The following GRIN1 variants were observed in gnomAD, a reference collection of about 807,000 sequenced individuals.
The protein encoded by GRIN1 is glutamate receptor ionotropic, NMDA 1.
Under a neutral mutation model 103.0 loss-of-function variants are expected in GRIN1, and 38 were observed. That is an observed-to-expected ratio of 0.37 (90% confidence interval 0.28 to 0.48). The LOEUF is 0.48. Ranked by LOEUF, GRIN1 falls within the 20% of genes least tolerant of loss-of-function variation. GRIN1 has a pLI of 0.98. For missense variants in GRIN1, 577 were observed against 1,288.9 expected (o/e 0.45, Z 8.46); for synonymous variants, 544 against 532.7 (o/e 1.02, Z -0.29).
rs762423431 is a variant in GRIN1, at chr9:137,161,046, TC to T, written c.1198-3del. 2.0e-5 allele frequency: 33 copies of T among 1,611,908 alleles called. No homozygotes were observed. Among genetic ancestry groups the T allele is most frequent in the African/African-American group, 1.1e-4 (8 of 74,730 alleles). ...CGGTGGTCCAGGCTGGGTCTCCCCTTCCCCCCCAGATTGTGACGATCCACCA... is the reference window on the plus strand; with the variant it reads ...CGGTGGTCCAGGCTGGGTCTCCCCTTCCCCCCAGATTGTGACGATCCACCA... On this transcript the variant is annotated splice_polypyrimidine_tract_variant and intron_variant, in intron 8 of 19. Transcript: ENST00000371561.
At chr9:137,152,798 C>T (rs915421543) in intron 4 of GRIN1, among the ~76,000 whole-genome samples, 6 of 152,138 alleles carry the variant, frequency 3.9e-5, no homozygotes, top group Non-Finnish European at 8.8e-5. Flanking sequence ...TGTGTATGCA[C>T]ATACCATACA....
chr9:137,144,096 G>A (rs1020753585), intron 2 of GRIN1, among the ~76,000 whole-genome samples: 8 of 152,338 alleles, frequency 5.3e-5, no homozygotes, highest in South Asian at 2.1e-4. Flanking sequence ...TCTTCGAGGC[G>A]CTATGTGTCA....
intron 4 of GRIN1, among the ~76,000 whole-genome samples, chr9:137,149,668 C>T (rs1361037922): frequency 6.6e-6 from 1 of 152,170 alleles, no homozygotes; most frequent in Non-Finnish European, 1.5e-5. Flanking sequence ...TAAAAAGCTC[C>T]CTATTTGCAA....
At chr9:137,163,045 G>T in intron 15 of GRIN1, 42 bp downstream of exon 15, 1 of 1,558,008 alleles carries the variant, frequency 6.4e-7, no homozygotes, top group Non-Finnish European at 8.7e-7. Flanking sequence ...GGACAGGTGC[G>T]GGGAGGGGGA....
chr9:137,164,893 C>A, intron 18 of GRIN1: 1 of 446,340 alleles, frequency 2.2e-6, no homozygotes, highest in Non-Finnish European at 4.2e-6. Flanking sequence ...CTCGGGACGC[C>A]TGTAAGCCAG....
Position 137,167,983 on chromosome 9 carries a change from G to A in GRIN1, c.*456G>A. The stretch of plus-strand genomic sequence containing the variant: ...TCCCGTCCGTCCGCCCGCCCACCCC[G>A]CTGCCTGGCGGGCAGCCCCTGCTGG... On this transcript the variant is annotated 3_prime_UTR_variant, in exon 20 of 20. Coordinates refer to ENST00000371561, the MANE Select transcript of GRIN1 (RefSeq NM_007327.4). The A allele has an allele frequency of 3.9e-6, 3 of 768,332 alleles. No individual in the cohort carries two copies. The highest frequency in any genetic ancestry group is 2.1e-5 in the Admixed American group (1 of 48,572). The allele number at this position is 768,332 out of a possible 1,614,324, so 47.6% of individuals were successfully genotyped here. A position where few individuals can be genotyped will look rare whatever the true frequency, so the allele number is the denominator to read the frequency against.
intron 2 of GRIN1, among the ~76,000 whole-genome samples, chr9:137,143,662 T>G (rs1832297379): frequency 6.6e-6 from 1 of 152,120 alleles, no homozygotes; most frequent in African/African-American, 2.4e-5. Flanking sequence ...CAAGGCCAGG[T>G]CAGAGCTAGT....
At chr9:137,147,176 T>C (rs562387498) in intron 3 of GRIN1, among the ~76,000 whole-genome samples, 1 of 151,606 alleles carries the variant, frequency 6.6e-6, no homozygotes, top group South Asian at 2.1e-4. Flanking sequence ...CACTCACAGG[T>C]GCATGCACAC....
rs367543115 is a variant in GRIN1, at chr9:137,162,896, C to G, written c.2064C>G (p.Ser688=). ...KFIYATVKQS[S]VDIYFRRQVE... ...TCTACGCCACGGTGAAGCAGAGCTC[C>G]GTGGATATCTACTTCCGGCGCCAGG... is the stretch of plus-strand genomic sequence containing the variant. Residue 688 remains serine (S), a synonymous_variant, in exon 15 of 20, where the codon TCC becomes TCG. Coordinates refer to ENST00000371561, the MANE Select transcript of GRIN1 (RefSeq NM_007327.4). The G allele has an allele frequency of 1.2e-6, 2 of 1,611,672 alleles. No individual in the cohort carries two copies. Among genetic ancestry groups the G allele is most frequent in the Middle Eastern group, 1.6e-4 (1 of 6,062 alleles).
At chr9:137,151,167 C>A (rs375438985) in intron 4 of GRIN1, among the ~76,000 whole-genome samples, 88 of 134,606 alleles carry the variant, frequency 6.5e-4, no homozygotes, top group Middle Eastern at 0.01. Flanking sequence ...CCAGGGAAAG[C>A]CCCGCCCAGG....
intron 4 of GRIN1, among the ~76,000 whole-genome samples, chr9:137,153,237 C>T (rs560310155): frequency 2.0e-5 from 3 of 151,294 alleles, no homozygotes; most frequent in South Asian, 2.1e-4. Context: ...ATGCCACATA[C>T]CACGTGTACA....
rs1355994703 is a variant in GRIN1, at chr9:137,163,886, G to A, written c.2571G>A (p.Val857=). The part of the protein sequence containing the change: ...QMQLAFAAVN[V]WRKNLQDRKS... ...AGCTGGCCTTTGCCGCCGTTAACGT[G>A]TGGCGGAAGAACCTGCAGGTAGGGC... Residue 857 remains valine, a synonymous_variant, in exon 18 of 20, where the codon GTG becomes GTA. Transcript: ENST00000371561. 1 of 1,612,882 alleles carries A rather than the reference G, an allele frequency of 6.2e-7. No homozygotes were observed. The highest frequency in any genetic ancestry group is 1.1e-5 in the South Asian group (1 of 91,090).
At chr9:137,141,946 T>A in intron 1 of GRIN1, 67 bp from the exon 2 acceptor site, 1 of 1,571,258 alleles carries the variant, frequency 6.4e-7, no homozygotes, top group Non-Finnish European at 8.8e-7. Flanking sequence ...TGCTTCCAGA[T>A]CTCAGCCTCT....
rs1296283863 is a variant in GRIN1 at position 137,168,241 on chromosome 9, C to T, written c.*714C>T. 4 of 289,284 alleles carry T rather than the reference C, an allele frequency of 1.4e-5. No individual in the cohort carries two copies. Among genetic ancestry groups the T allele is most frequent in the African/African-American group, 6.9e-5 (3 of 43,390 alleles). 17.9% of individuals were successfully genotyped at this position (289,284 alleles called of 1,614,324 possible). ...CCCAGCTGGCTGGGTCGCCCCTCCT[C>T]GGGCGCCTGCGCTCCTCTGCAGCCT... On this transcript the variant is annotated 3_prime_UTR_variant, in exon 20 of 20. Coordinates refer to ENST00000371561, the MANE Select transcript of GRIN1 (RefSeq NM_007327.4).
Position 137,156,810 on chromosome 9 carries a change from G to C in GRIN1, c.793+20G>C. On this transcript the variant is annotated intron_variant, in intron 5 of 19. Coordinates refer to ENST00000371561, the MANE Select transcript of GRIN1 (RefSeq NM_007327.4). ...CAGACGGTGAGTGCTGGGCCTTGGC[G>C]GGGTCCCCGAACGGGGAGGACCCCA... is the stretch of plus-strand genomic sequence containing the variant. 6.2e-7 allele frequency: 1 copy of C among 1,600,166 alleles called. No homozygotes were observed. Among genetic ancestry groups the C allele is most frequent in the South Asian group, 1.1e-5 (1 of 89,374 alleles).
At position 137,149,068 on chromosome 9, in the gene GRIN1, G is replaced by C. The variant is rs1057522916; in HGVS notation, c.630G>C (p.Glu210Asp). 1.2e-6 allele frequency: 2 copies of C among 1,613,572 alleles called. No individual in the cohort carries two copies. The stretch of plus-strand genomic sequence containing the variant: ...AGAACGTGACGGCCCTGCTGATGGA[G>C]GCGAAAGAGCTGGAGGCCCGGGTCA... ...GTKNVTALLM[E>D]AKELEARVII... Residue 210 changes from glutamate (E) to aspartate (D), a missense_variant, in exon 4 of 20, where the codon GAG becomes GAC. Around this residue, in one of 9 missense-constraint regions of GRIN1, gnomAD observed 308 missense variants for 553.6 expected, o/e 0.56. Coordinates refer to ENST00000371561, the MANE Select transcript of GRIN1 (RefSeq NM_007327.4).
Position 137,161,134 on chromosome 9 carries a change from G to A in GRIN1, c.1276G>A (p.Val426Ile). 6.2e-7 allele frequency: 1 copy of A among 1,612,810 alleles called. No individual in the cohort carries two copies. Among genetic ancestry groups the A allele is most frequent in the East Asian group, 2.2e-5 (1 of 44,868 alleles). ...SDGTCKEEFTVNGDPVKKVIC... is the reference protein window; with the variant it reads ...SDGTCKEEFTINGDPVKKVIC... ...TGGGACATGCAAGGAGGAGTTCACA[G>A]TCAACGGCGACCCAGTCAAGAAGGT... The change falls in exon 9 of 20, where the codon GTC becomes ATC. Residue 426 changes from valine to isoleucine, a missense_variant. Transcript: ENST00000371561.
chr9:137,157,205 G>A (rs1175017509), intron 6 of GRIN1, among the ~76,000 whole-genome samples, 168 bp downstream of exon 6: 1 of 147,906 alleles, frequency 6.8e-6, no homozygotes, highest in Non-Finnish European at 1.5e-5. Flanking sequence ...AGCTGGGGGA[G>A]CGCTCCTCAA....
intron 4 of GRIN1, among the ~76,000 whole-genome samples, chr9:137,150,864 C>G (rs1832825426): frequency 6.9e-6 from 1 of 145,254 alleles, no homozygotes; most frequent in African/African-American, 2.6e-5. Flanking sequence ...AAGCTCAGCC[C>G]AGGGAAAGCC....
Sources: allele counts gnomAD v4.1 joint callset (sites outside exome capture counted in the v4.1 genomes callset), GRCh38; gene constraint gnomAD v4.1.1; regional missense constraint gnomAD v4.1.1; transcripts MANE v1.5; gene names NCBI Gene and HGNC (gene_info 2026-07-23, HGNC 2026-07-21).